GAREM2: variants seen among roughly 807,000 people sequenced by gnomAD.
GAREM2 encodes the protein GRB2 associated regulator of MAPK1 subtype 2.
Under a neutral mutation model 55.6 loss-of-function variants are expected in GAREM2, and 30 were observed. That is an observed-to-expected ratio of 0.54 (90% CI 0.40 to 0.73). GAREM2 has a LOEUF of 0.73. GAREM2 is among the 30% of genes least tolerant of loss of function. The pLI is 0.00. For synonymous variants in GAREM2, 550 were observed against 569.1 expected (o/e 0.97, Z 0.48); for missense variants, 1,075 against 1,257.7 (o/e 0.85, Z 2.20).
chr2:26,180,524 G>A (rs906840851), intron 2 of GAREM2, among the ~76,000 whole-genome samples: 1 of 152,182 alleles, frequency 6.6e-6, no homozygotes, highest in Admixed American at 6.5e-5. Flanking sequence ...CCACCTGAAG[G>A]CCCCTTTCTT....
chr2:26,184,132 C>A (rs1488173037), intron 3 of GAREM2, 101 bp from the exon 4 acceptor site: 2 of 1,482,754 alleles, frequency 1.3e-6, no homozygotes, highest in Admixed American at 2.1e-5. Flanking sequence ...CCCGGGAGGG[C>A]GGAAGAGGAA....
At chr2:26,190,900 G>GTGTT (rs1220581303), downstream of GAREM2, 5 of 401,050 alleles carry the variant, frequency 1.2e-5, no homozygotes, top group Admixed American at 1.2e-4. Context: ...TTATTGTTAT[G>GTGTT]TGTTTGGCTG....
Position 26,184,678 on chromosome 2 carries a change from C to T in GAREM2, c.830C>T (p.Pro277Leu). ...VLVPSRPPRN[P>L]YDLHPVREGH... ...GTGCCCAGCCGGCCGCCGCGCAACCCCTACGACCTGCACCCGGTGCGGGAG... is the reference window on the plus strand; with the variant it reads ...GTGCCCAGCCGGCCGCCGCGCAACCTCTACGACCTGCACCCGGTGCGGGAG... The change falls in exon 4 of 6, where the codon CCC (proline) becomes CTC (leucine). Residue 277 changes from proline (P) to leucine (L), a missense_variant. Pro to Leu is a moderately conservative substitution (Grantham distance 98, BLOSUM62 -3). Transcript: ENST00000401533. The T allele has an allele frequency of 6.5e-7, 1 of 1,542,972 alleles. No individual in the cohort carries two copies. Among genetic ancestry groups the T allele is most frequent in the Non-Finnish European group, 8.7e-7 (1 of 1,144,148 alleles).
the GAREM2 span, chr2:26,201,343 T>G: frequency 6.5e-7 from 1 of 1,541,888 alleles, no homozygotes; most frequent in Non-Finnish European, 9.0e-7. Context: ...CATTCCTAGT[T>G]AGATGGGAAG....
At position 26,185,242 on chromosome 2, in the gene GAREM2, C is replaced by T. The variant is rs752502744; in HGVS notation, c.1394C>T (p.Ala465Val). Residue 465 changes from alanine (A) to valine (V), a missense_variant, in exon 4 of 6, where the codon GCG becomes GTG. Ala to Val is a moderately conservative substitution (Grantham distance 64, BLOSUM62 0). Transcript: ENST00000401533. Reference sequence around the variant, plus strand: ...GGACCGCCGCGTCGGGAGCCGGAAGCGCCGCCGCCTCCAGTCCCTCCCAAA... The same window carrying T: ...GGACCGCCGCGTCGGGAGCCGGAAGTGCCGCCGCCTCCAGTCCCTCCCAAA... ...AAGPPRREPE[A>V]PPPPVPPKSE... 30 of 1,521,178 alleles carry T rather than the reference C, an allele frequency of 2.0e-5. No homozygotes were observed. The highest frequency in any genetic ancestry group is 2.6e-5 in the Non-Finnish European group (30 of 1,141,204). 94.2% of individuals were successfully genotyped at this position (1,521,178 alleles called of 1,614,324 possible). A position where few individuals can be genotyped will look rare whatever the true frequency, so the allele number is the denominator to read the frequency against.
At chr2:26,180,950 G>A (rs1178072086) in intron 2 of GAREM2, 1 of 985,322 alleles carries the variant, frequency 1.0e-6, no homozygotes, top group Non-Finnish European at 1.2e-6. Context: ...CTGGTGGCCT[G>A]AGTACATCAT....
chr2:26,178,032 C>T (rs1455959705), intron 2 of GAREM2, among the ~76,000 whole-genome samples: 5 of 152,146 alleles, frequency 3.3e-5, no homozygotes, highest in African/African-American at 9.7e-5. Flanking sequence ...CTCCTCTGGC[C>T]CTGGGTCTCC....
intron 3 of GAREM2, 34 bp downstream of exon 3, chr2:26,183,131 A>C (rs1669109072): frequency 6.5e-7 from 1 of 1,548,570 alleles, no homozygotes; most frequent in Admixed American, 2.0e-5. Context: ...TGGTGTCCCC[A>C]CACTACTCCT....
At chr2:26,195,064 T>A in the GAREM2 span, 1 of 1,596,870 alleles carries the variant, frequency 6.3e-7, no homozygotes, top group Non-Finnish European at 8.6e-7. Context: ...TTTCAAAAAC[T>A]CTGCAGCTCT....
chr2:26,174,933 C>T (rs1363076794), intron 1 of GAREM2, among the ~76,000 whole-genome samples: 4 of 152,134 alleles, frequency 2.6e-5, no homozygotes, highest in Non-Finnish European at 5.9e-5. Flanking sequence ...GGACAGCTCT[C>T]AGAGGAGGGA....
At chr2:26,177,552 C>T (rs940650244) in intron 2 of GAREM2, among the ~76,000 whole-genome samples, 8 of 152,084 alleles carry the variant, frequency 5.3e-5, no homozygotes, top group African/African-American at 1.9e-4. Flanking sequence ...TTATGTTGCC[C>T]AGGATGGTCT....
At chr2:26,201,097 T>C in the GAREM2 span, 2 of 1,360,396 alleles carry the variant, frequency 1.5e-6, no homozygotes, top group Non-Finnish European at 2.1e-6. Context: ...AAAAAATCTC[T>C]GTGTTTTCTG....
chr2:26,192,489 C>T, downstream of GAREM2: 2 of 945,646 alleles, frequency 2.1e-6, no homozygotes, highest in South Asian at 2.6e-5. Flanking sequence ...ACTATTTGTT[C>T]TCAGAACCCT....
chr2:26,192,733 T>C (rs1197616330), downstream of GAREM2, among the ~76,000 whole-genome samples: 3 of 151,758 alleles, frequency 2.0e-5, no homozygotes, highest in Admixed American at 2.0e-4. Context: ...AGACTCTGTC[T>C]CAAAAAAAAA....
chr2:26,197,748 A>G, the GAREM2 span: 1 of 1,548,528 alleles, frequency 6.5e-7, no homozygotes, highest in Non-Finnish European at 8.9e-7. Flanking sequence ...CAGATGTGTT[A>G]CTGGCAAAGA....
intron 2 of GAREM2, among the ~76,000 whole-genome samples, chr2:26,177,286 G>A (rs1346690789): frequency 6.6e-6 from 1 of 152,154 alleles, no homozygotes; most frequent in African/African-American, 2.4e-5. Context: ...TGTGTGGGAG[G>A]GATGGGAGTC....
At chr2:26,202,092 C>T in the GAREM2 span, among the ~76,000 whole-genome samples, 1 of 152,146 alleles carries the variant, frequency 6.6e-6, no homozygotes, top group Non-Finnish European at 1.5e-5. Flanking sequence ...AGCCACCGCG[C>T]CCAGCCTGTG....
At position 26,185,102 on chromosome 2, in the gene GAREM2, C is replaced by T. The variant is rs1214963277; in HGVS notation, c.1254C>T (p.Pro418=). 4 of 1,436,018 alleles carry T rather than the reference C, an allele frequency of 2.8e-6. No homozygotes were observed. The highest frequency in any genetic ancestry group is 3.6e-6 in the Non-Finnish European group (4 of 1,102,552). 89.0% of individuals were successfully genotyped at this position (1,436,018 alleles called of 1,614,324 possible). A position where few individuals can be genotyped will look rare whatever the true frequency, so the allele number is the denominator to read the frequency against. The change falls in exon 4 of 6, where the codon CCC becomes CCT. Residue 418 remains proline (P), a synonymous_variant. Transcript: ENST00000401533. ...TGAGCCCCGACTGGGCAGCCGCGCC[C>T]GAGCCCGCCGCGCCGCCCGCCGAGA... The part of the protein sequence containing the change: ...EYVSPDWAAA[P]EPAAPPAEIP...
At chr2:26,199,126 G>A in the GAREM2 span, 125,007 of 151,960 alleles carry the variant, frequency 0.82, 51,773 homozygotes, top group African/African-American at 0.93. Context: ...TTGAACTCCT[G>A]ACCTCGTGAT....
Sources: gnomAD v4.1 joint callset for allele counts (sites outside exome capture counted in the v4.1 genomes callset) on GRCh38, gnomAD v4.1.1 for gene constraint, MANE v1.5 for transcripts, NCBI Gene and HGNC (gene_info 2026-07-23, HGNC 2026-07-21) for gene names.